The following NALCN variants were observed in gnomAD, a reference collection of about 807,000 sequenced individuals.
NALCN encodes the protein sodium leak channel NALCN.
A neutral mutation model predicts 225.3 loss-of-function variants in NALCN; 111 were observed. The observed-to-expected ratio is 0.49, with a 90% CI of 0.42 to 0.58. NALCN has a LOEUF of 0.58. Ranked by LOEUF, NALCN falls within the 20% of genes least tolerant of loss-of-function variation. The pLI is 0.00. For synonymous variants in NALCN, 764 were observed against 769.0 expected, an observed-to-expected ratio of 0.99 and a Z score of 0.11; for missense variants, 1,378 against 2,202.4, an observed-to-expected ratio of 0.63 and a Z score of 7.49.
chr13:101,292,605 C>T lies in NALCN; in HGVS notation c.800-239G>A, dbSNP rs61973666. Among the ~76,000 whole-genome samples, 4,412 of 152,072 alleles carry T rather than the reference C, an allele frequency of 0.029. 113 individuals carry two copies. The highest frequency in any genetic ancestry group is 0.07 in the African/African-American group (2,921 of 41,480). ...AACAATAAAATAATTTGATATTATA[C>T]CTTTAGCTGTTAAATGCAAATAATA... On this transcript the variant is annotated intron_variant, in intron 7 of 43. Coordinates refer to ENST00000251127, the MANE Select transcript of NALCN (RefSeq NM_052867.4). This position sits in a 1 kb window ranked among gnomAD's most constrained non-coding sequence, Gnocchi z 4.3.
chr13:101,298,581 C>A (rs1413651871), intron 7 of NALCN, among the ~76,000 whole-genome samples: 1 of 152,192 alleles, frequency 6.6e-6, no homozygotes. Context: ...CTCGGCCTCC[C>A]AAAGTGCTAG....
intron 10 of NALCN, among the ~76,000 whole-genome samples, chr13:101,273,068 T>A (rs910016001): frequency 2.6e-5 from 4 of 152,216 alleles, no homozygotes; most frequent in African/African-American, 7.2e-5. Context: ...CTGACATCCA[T>A]TGTACCACGT....
Position 101,055,204 on chromosome 13 carries a change from A to G in NALCN, c.*91T>C. On this transcript the variant is annotated 3_prime_UTR_variant, in exon 44 of 44. Coordinates refer to ENST00000251127, the MANE Select transcript of NALCN (RefSeq NM_052867.4). ...TCTTGTGACAAGCTGGAATTCAGTT[A>G]TAGATCAATTACAGATTGCTCACTG... The G allele has an allele frequency of 1.0e-6, 1 of 997,894 alleles. No individual in the cohort carries two copies. Among genetic ancestry groups the G allele is most frequent in the Non-Finnish European group, 1.5e-6 (1 of 667,232 alleles). 61.8% of individuals were successfully genotyped at this position (997,894 alleles called of 1,614,324 possible). A position where few individuals can be genotyped will look rare whatever the true frequency, so the allele number is the denominator to read the frequency against.
At chr13:101,072,401 T>C (rs910884981) in intron 37 of NALCN, among the ~76,000 whole-genome samples, 1 of 152,222 alleles carries the variant, frequency 6.6e-6, no homozygotes, top group African/African-American at 2.4e-5. Context: ...TGGGATGCTA[T>C]GGAATAGCAC....
At chr13:101,176,918 A>G (rs1221992974) in intron 14 of NALCN, among the ~76,000 whole-genome samples, 3 of 152,170 alleles carry the variant, frequency 2.0e-5, no homozygotes, top group Non-Finnish European at 4.4e-5. Flanking sequence ...TCCCTTCCAC[A>G]CTGAATATGT....
intron 7 of NALCN, among the ~76,000 whole-genome samples, chr13:101,318,529 C>G (rs1326030902): frequency 2.0e-5 from 3 of 152,142 alleles, no homozygotes; most frequent in East Asian, 3.9e-4. Context: ...GAAGAGACAC[C>G]TAGCACTTTC....
chr13:101,220,909 A>T (rs911990614), intron 13 of NALCN, among the ~76,000 whole-genome samples: 2 of 152,152 alleles, frequency 1.3e-5, no homozygotes, highest in African/African-American at 4.8e-5. Flanking sequence ...ATTATTTAAT[A>T]CACAAAATGC....
At chr13:101,392,675 G>A (rs924647193) in intron 3 of NALCN, among the ~76,000 whole-genome samples, 1 of 152,050 alleles carries the variant, frequency 6.6e-6, no homozygotes, top group African/African-American at 2.4e-5. Flanking sequence ...TTTACTTTAA[G>A]TAAGTAAAAG....
intron 30 of NALCN, among the ~76,000 whole-genome samples, chr13:101,088,200 C>T (rs2034027010): frequency 6.6e-6 from 1 of 151,998 alleles, no homozygotes; most frequent in Non-Finnish European, 1.5e-5. Context: ...TAAATCTCAC[C>T]CTTTGAAAGC....
chr13:101,089,584 G>T lies in NALCN; in HGVS notation c.3489+79C>A. 6.2e-6 allele frequency: 8 copies of T among 1,291,420 alleles called. No homozygotes were observed. Among genetic ancestry groups the T allele is most frequent in the Non-Finnish European group, 8.9e-6 (8 of 903,616 alleles). The allele number at this position is 1,291,420 out of a possible 1,614,324, so 80.0% of individuals were successfully genotyped here. A position where few individuals can be genotyped will look rare whatever the true frequency, so the allele number is the denominator to read the frequency against. On this transcript the variant is annotated intron_variant, in intron 30 of 43. Transcript: ENST00000251127. The surrounding 1 kb of genome is among the most constrained non-coding windows in gnomAD (Gnocchi z 4.7). Reference sequence around the variant, plus strand: ...ACAGTTTAAAGCGGCTTCACGCCGCGTGTGAAAAGAAACAAATAGCTCAAA... The same window carrying T: ...ACAGTTTAAAGCGGCTTCACGCCGCTTGTGAAAAGAAACAAATAGCTCAAA...
intron 7 of NALCN, among the ~76,000 whole-genome samples, chr13:101,337,232 C>A (rs1370487142): frequency 2.0e-5 from 3 of 152,060 alleles, no homozygotes; most frequent in Admixed American, 1.3e-4. Flanking sequence ...CCTTAAGGGG[C>A]CATCAGTTTG....
chr13:101,163,721 G>A (rs2038300338), intron 15 of NALCN, among the ~76,000 whole-genome samples: 1 of 152,088 alleles, frequency 6.6e-6, no homozygotes, highest in African/African-American at 2.4e-5. Flanking sequence ...TTCTTCTTGA[G>A]TCCAGAGAAC....
chr13:101,374,594 G>GA (rs2046635027), intron 6 of NALCN, among the ~76,000 whole-genome samples: 2 of 152,020 alleles, frequency 1.3e-5, no homozygotes, highest in African/African-American at 2.4e-5. Context: ...GCCCCCTCTG[G>GA]TAAATTTCTA....
chr13:101,284,142 G>A (rs1310374093), intron 9 of NALCN, 123 bp from the exon 10 acceptor site: 2 of 705,236 alleles, frequency 2.8e-6, no homozygotes, highest in Non-Finnish European at 4.5e-6. Context: ...TTTATATTTG[G>A]AATGAAGTCA....
chr13:101,294,107 A>G (rs926481045), intron 7 of NALCN, among the ~76,000 whole-genome samples: 1 of 152,234 alleles, frequency 6.6e-6, no homozygotes, highest in African/African-American at 2.4e-5. Context: ...AAAGTGGTAG[A>G]ACCAGAAATT....
intron 10 of NALCN, among the ~76,000 whole-genome samples, chr13:101,259,783 T>TAC (rs1377113759): frequency 7.9e-6 from 1 of 126,994 alleles, no homozygotes; most frequent in African/African-American, 2.7e-5. Context: ...TATATACACA[T>TAC]ATATATTTAT....
chr13:101,350,547 T>C (rs919071432), intron 6 of NALCN, among the ~76,000 whole-genome samples: 2 of 152,212 alleles, frequency 1.3e-5, no homozygotes, highest in Admixed American at 1.3e-4. Context: ...ATCTGTTCAT[T>C]GGATGTCTTC....
chr13:101,274,266 C>T (rs2042903559), intron 10 of NALCN, among the ~76,000 whole-genome samples: 1 of 129,738 alleles, frequency 7.7e-6, no homozygotes, highest in South Asian at 2.5e-4. Flanking sequence ...AACAATCAAG[C>T]TCAATGTCCA....
chr13:101,096,676 A>C (rs2034523703), intron 27 of NALCN, among the ~76,000 whole-genome samples: 1 of 152,214 alleles, frequency 6.6e-6, no homozygotes, highest in African/African-American at 2.4e-5. Context: ...ATACGCTAAA[A>C]AACCATTGAA....
Sources: gnomAD v4.1 joint callset for allele counts (sites outside exome capture counted in the v4.1 genomes callset) on GRCh38, gnomAD v4.1.1 for gene constraint, Gnocchi (gnomAD v3.1) non-coding constraint, MANE v1.5 for transcripts, NCBI Gene and HGNC (gene_info 2026-07-23, HGNC 2026-07-21) for gene names.